The following KIAA0825 variants were observed in gnomAD, a reference collection of about 807,000 sequenced individuals.
The protein encoded by KIAA0825 is KIAA0825.
A neutral mutation model predicts 147.6 loss-of-function variants in KIAA0825; 119 were observed. The ratio of observed to expected loss-of-function variants is 0.81; its 90% CI spans 0.69 to 0.94. The LOEUF (loss-of-function observed/expected upper bound fraction) is 0.94. KIAA0825 is among the 40% of genes least tolerant of loss of function. The pLI is 0.00. For synonymous variants in KIAA0825, 470 were observed against 518.1 expected (o/e 0.91, Z 1.26); for missense variants, 1,381 against 1,472.7 (o/e 0.94, Z 1.02).
chr5:94,356,725 CTTTTTTT>C (rs1172838355), intron 20 of KIAA0825, among the ~76,000 whole-genome samples: 1 of 116,738 alleles, frequency 8.6e-6, no homozygotes, highest in Non-Finnish European at 1.7e-5. Flanking sequence ...AACTTGATTT[CTTTTTTT>C]TTTTTTTTTT....
intron 14 of KIAA0825, among the ~76,000 whole-genome samples, chr5:94,426,659 T>G (rs1754927999): frequency 1.3e-5 from 2 of 152,156 alleles, no homozygotes; most frequent in Non-Finnish European, 2.9e-5. Context: ...GTGATTATAG[T>G]TAGCAATAAT....
Position 94,520,807 on chromosome 5 carries a change from A to G in KIAA0825, c.411T>C (p.Ser137=). The G allele has an allele frequency of 1.2e-6, 2 of 1,613,300 alleles. No individual in the cohort carries two copies. Among genetic ancestry groups the G allele is most frequent in the Non-Finnish European group, 1.7e-6 (2 of 1,179,428 alleles). Residue 137 remains serine, a synonymous_variant, in exon 5 of 21, where the codon TCT becomes TCC. Coordinates refer to ENST00000682413, the MANE Select transcript of KIAA0825 (RefSeq NM_001145678.3). ...VSFPSTLSGT[S]FHFLSRTSLH... is the part of the protein sequence containing the mutation. Reference sequence around the variant, plus strand: ...GAGACGTCCTAGAGAGGAAATGGAAAGATGTTCCACTTAGGGTTGATGGGA... The same window carrying G: ...GAGACGTCCTAGAGAGGAAATGGAAGGATGTTCCACTTAGGGTTGATGGGA...
In KIAA0825 at chr5:94,471,499, C is replaced by A; in HGVS notation, c.1688G>T (p.Arg563Leu). 1.9e-6 allele frequency: 3 copies of A among 1,552,018 alleles called. No individual in the cohort carries two copies. Among genetic ancestry groups the A allele is most frequent in the Non-Finnish European group, 1.7e-6 (2 of 1,147,060 alleles). ...CATTTCCTTCATCAAATTATCATAT[C>A]GCTTGAAATGCTGGAAGACATACAC... ...TAVYVFQHFK[R>L]YDNLMKEMTK... is the part of the protein sequence containing the mutation. Residue 563 changes from arginine to leucine, a missense_variant, in exon 9 of 21, where the codon CGA (arginine) becomes CTA (leucine). By Grantham distance (102) the Arg-to-Leu change is moderately radical. Transcript: ENST00000682413.
At chr5:94,318,342 T>C (rs898100237) in intron 20 of KIAA0825, among the ~76,000 whole-genome samples, 1 of 151,844 alleles carries the variant, frequency 6.6e-6, no homozygotes, top group South Asian at 2.1e-4. Flanking sequence ...AAACCATTCT[T>C]CAATTGTAGT....
intron 14 of KIAA0825, among the ~76,000 whole-genome samples, chr5:94,428,015 A>G (rs867485090): frequency 8.5e-5 from 13 of 152,158 alleles, no homozygotes; most frequent in Admixed American, 8.5e-4. Flanking sequence ...TGATATAAAA[A>G]TAGTGATCCC....
chr5:94,253,140 C>T (rs1309838942), intron 20 of KIAA0825, among the ~76,000 whole-genome samples: 1 of 152,076 alleles, frequency 6.6e-6, no homozygotes, highest in Non-Finnish European at 1.5e-5. Flanking sequence ...TAAAATACAA[C>T]TTTTCTGTTG....
At chr5:94,158,673 A>C (rs1767267244) in intron 20 of KIAA0825, among the ~76,000 whole-genome samples, 1 of 152,144 alleles carries the variant, frequency 6.6e-6, no homozygotes, top group Admixed American at 6.5e-5. Context: ...CACTGTTTAG[A>C]ATACTATTTG....
At chr5:94,510,056 G>GA (rs1257424058) in intron 5 of KIAA0825, among the ~76,000 whole-genome samples, 1 of 152,090 alleles carries the variant, frequency 6.6e-6, no homozygotes, top group Non-Finnish European at 1.5e-5. Flanking sequence ...CTCTGACAAC[G>GA]ATCATCAAAA....
At chr5:94,203,545 C>A in intron 20 of KIAA0825, among the ~76,000 whole-genome samples, 1 of 152,070 alleles carries the variant, frequency 6.6e-6, no homozygotes, top group Non-Finnish European at 1.5e-5. Flanking sequence ...TTCAGGAAAG[C>A]ATTTCCAATC....
intron 20 of KIAA0825, among the ~76,000 whole-genome samples, chr5:94,382,433 A>T (rs889214004): frequency 6.6e-6 from 1 of 152,206 alleles, no homozygotes; most frequent in Admixed American, 6.5e-5. Flanking sequence ...ACTCATAAAT[A>T]ACCTTCTTAA....
intron 20 of KIAA0825, among the ~76,000 whole-genome samples, chr5:94,279,959 C>A (rs1221713793): frequency 2.0e-5 from 3 of 151,944 alleles, no homozygotes; most frequent in Non-Finnish European, 4.4e-5. Context: ...ATGTTTCAGG[C>A]CGAAAGGACA....
At chr5:94,192,338 G>A (rs923268423) in intron 20 of KIAA0825, among the ~76,000 whole-genome samples, 1 of 152,144 alleles carries the variant, frequency 6.6e-6, no homozygotes, top group Non-Finnish European at 1.5e-5. Context: ...ATAATTTACT[G>A]TAATTTCCCC....
At chr5:94,252,523 T>G (rs1374324914) in intron 20 of KIAA0825, among the ~76,000 whole-genome samples, 2 of 151,908 alleles carry the variant, frequency 1.3e-5, no homozygotes, top group Non-Finnish European at 2.9e-5. Context: ...TTCACAAAAT[T>G]AAAAGGAAAT....
At chr5:94,355,785 G>C (rs895586899) in intron 20 of KIAA0825, among the ~76,000 whole-genome samples, 4 of 152,164 alleles carry the variant, frequency 2.6e-5, no homozygotes, top group African/African-American at 9.7e-5. Flanking sequence ...TAATACTATT[G>C]TCAAGTTGGT....
intron 7 of KIAA0825, among the ~76,000 whole-genome samples, chr5:94,474,472 A>G (rs906945986): frequency 1.3e-5 from 2 of 152,130 alleles, no homozygotes; most frequent in African/African-American, 2.4e-5. Flanking sequence ...TCTTGATCTC[A>G]GGGGTTTTTT....
At chr5:94,392,413 A>G (rs956940426) in intron 17 of KIAA0825, among the ~76,000 whole-genome samples, 1 of 152,226 alleles carries the variant, frequency 6.6e-6, no homozygotes, top group Non-Finnish European at 1.5e-5. Flanking sequence ...AGAATGATCT[A>G]TATACATATT....
At chr5:94,434,338 A>G (rs1445427861) in intron 14 of KIAA0825, among the ~76,000 whole-genome samples, 1 of 152,242 alleles carries the variant, frequency 6.6e-6, no homozygotes, top group African/African-American at 2.4e-5. Context: ...CATAAATTAT[A>G]AATCCTTACC....
intron 20 of KIAA0825, among the ~76,000 whole-genome samples, chr5:94,361,562 A>C (rs29961): frequency 0.21 from 31,707 of 152,196 alleles, 3,826 homozygotes; most frequent in Middle Eastern, 0.27. Flanking sequence ...TTGTAGCAAA[A>C]TTACGGATGC....
At chr5:94,192,615 CT>C (rs924856597) in intron 20 of KIAA0825, among the ~76,000 whole-genome samples, 1 of 151,156 alleles carries the variant, frequency 6.6e-6, no homozygotes, top group African/African-American at 2.4e-5. Flanking sequence ...CTTAATGAGA[CT>C]TTTTTTTTAA....
Sources: gnomAD v4.1 joint callset for allele counts (sites outside exome capture counted in the v4.1 genomes callset) on GRCh38, gnomAD v4.1.1 for gene constraint, MANE v1.5 for transcripts, NCBI Gene and HGNC (gene_info 2026-07-23, HGNC 2026-07-21) for gene names.